GLIS1: variants seen among roughly 807,000 people sequenced by gnomAD.
The protein encoded by GLIS1 is GLIS family zinc finger 1, also known as zinc finger protein GLIS1.
A neutral mutation model predicts 63.8 loss-of-function variants in GLIS1; 24 were observed. That is an observed-to-expected ratio of 0.38 (90% confidence interval 0.27 to 0.53). The LOEUF (loss-of-function observed/expected upper bound fraction) is 0.53, where lower values mean the gene tolerates loss of function less well. GLIS1 is among the 20% of genes least tolerant of loss of function. The pLI is 0.85. For synonymous variants in GLIS1, 450 were observed against 482.5 expected (o/e 0.93, Z 0.88); for missense variants, 1,036 against 1,074.1 (o/e 0.96, Z 0.50).
At chr1:53,510,169 G>A (rs1418229063) in intron 8 of GLIS1, 142 bp from the exon 9 acceptor site, 6 of 424,828 alleles carry the variant, frequency 1.4e-5, no homozygotes, top group Non-Finnish European at 2.0e-5. Context: ...AGTTAGAAGA[G>A]GAGCTTTTAT....
rs932917732 is a variant in GLIS1 at position 53,560,058 on chromosome 1, G to A, written c.1321-30106C>T. On this transcript the variant is annotated intron_variant, in intron 4 of 10. Transcript: ENST00000628545. This position sits in a 1 kb window ranked among gnomAD's most constrained non-coding sequence, Gnocchi z 4.4. ...CCCTGACTTCCCAGGCAGGATTAGA[G>A]GCCCGTAGACTCCCACAGCTGCATG... 2.0e-5 allele frequency among the ~76,000 whole-genome samples: 3 copies of A among 152,114 alleles called. No individual in the cohort carries two copies. Among genetic ancestry groups the A allele is most frequent in the Admixed American group, 1.3e-4 (2 of 15,280 alleles).
At chr1:53,538,330 G>C (rs80003995) in intron 4 of GLIS1, among the ~76,000 whole-genome samples, 2 of 152,286 alleles carry the variant, frequency 1.3e-5, no homozygotes, top group South Asian at 4.1e-4. Flanking sequence ...GGGCATGTGC[G>C]GGGACTGAGC....
chr1:53,538,571 T>A (rs1644605872), intron 4 of GLIS1, among the ~76,000 whole-genome samples: 1 of 152,136 alleles, frequency 6.6e-6, no homozygotes, highest in South Asian at 2.1e-4. Context: ...AGCACTGCCA[T>A]GAGAGGCAAG....
At chr1:53,737,676 C>G in intron 2 of GLIS1, 130 bp downstream of exon 2, 1 of 945,526 alleles carries the variant, frequency 1.1e-6, no homozygotes, top group African/African-American at 1.7e-5. Context: ...AAGCTAGTCC[C>G]AAACAATAAG....
At chr1:53,581,843 C>T (rs909966402) in intron 4 of GLIS1, among the ~76,000 whole-genome samples, 2 of 152,192 alleles carry the variant, frequency 1.3e-5, no homozygotes, top group Non-Finnish European at 2.9e-5. Flanking sequence ...CCCACACCTG[C>T]CCTTTCCATG....
intron 4 of GLIS1, among the ~76,000 whole-genome samples, chr1:53,538,187 C>A (rs535121354): frequency 6.6e-6 from 1 of 152,162 alleles, no homozygotes; most frequent in African/African-American, 2.4e-5. Context: ...AAGAATGGAA[C>A]GGACAGACGG....
intron 2 of GLIS1, among the ~76,000 whole-genome samples, chr1:53,627,073 G>A (rs927922560): frequency 2.6e-5 from 4 of 152,180 alleles, no homozygotes; most frequent in African/African-American, 7.2e-5. Context: ...CCCTCGTTCC[G>A]GGTCCCACAA....
intron 7 of GLIS1, among the ~76,000 whole-genome samples, chr1:53,515,606 G>C (rs1397645806): frequency 6.6e-6 from 1 of 151,974 alleles, no homozygotes; most frequent in Non-Finnish European, 1.5e-5. Context: ...TGTTAAGACA[G>C]GGAGGCTAAT....
intron 2 of GLIS1, among the ~76,000 whole-genome samples, chr1:53,687,947 CG>C (rs1020728430): frequency 2.0e-5 from 3 of 152,198 alleles, no homozygotes; most frequent in African/African-American, 7.2e-5. Flanking sequence ...TAGACGCAAG[CG>C]GGCCCGGCTG....
chr1:53,636,518 G>A (rs1645723265), intron 2 of GLIS1, among the ~76,000 whole-genome samples: 1 of 152,206 alleles, frequency 6.6e-6, no homozygotes, highest in African/African-American at 2.4e-5. Flanking sequence ...GTAGTAAAAT[G>A]CTGAATAGAT....
At chr1:53,530,472 G>T (rs2100333979) in intron 4 of GLIS1, among the ~76,000 whole-genome samples, 1 of 152,292 alleles carries the variant, frequency 6.6e-6, no homozygotes, top group African/African-American at 2.4e-5. Context: ...GGCCCCAGGG[G>T]GTAGGACATT....
At chr1:53,514,574 C>A in intron 8 of GLIS1, 51 bp downstream of exon 8, 2 of 1,585,042 alleles carry the variant, frequency 1.3e-6, no homozygotes, top group South Asian at 1.1e-5. Context: ...CTGCCTCCCC[C>A]CGAGATCCCC....
chr1:53,629,197 G>A (rs1645626661), intron 2 of GLIS1, among the ~76,000 whole-genome samples: 1 of 152,052 alleles, frequency 6.6e-6, no homozygotes, highest in African/African-American at 2.4e-5. Context: ...CCTACTCTGT[G>A]CTTTATGATG....
chr1:53,686,178 C>T lies in GLIS1; in HGVS notation c.259+51628G>A, dbSNP rs796408440. On this transcript the variant is annotated intron_variant, in intron 2 of 10. Coordinates refer to ENST00000628545, the MANE Select transcript of GLIS1 (RefSeq NM_001367484.1). ...CATGCTCCACTGTTTCCCCACGGAGCGGAGCTATGACTGCCCTGAAGCTGG... is the reference window on the plus strand; with the variant it reads ...CATGCTCCACTGTTTCCCCACGGAGTGGAGCTATGACTGCCCTGAAGCTGG... Among the ~76,000 whole-genome samples, 4 of 152,140 alleles carry T rather than the reference C, an allele frequency of 2.6e-5. No individual in the cohort carries two copies. In the South Asian group the frequency reaches 6.2e-4, roughly 24 times the overall value.
intron 2 of GLIS1, among the ~76,000 whole-genome samples, chr1:53,678,259 C>T (rs554531913): frequency 6.7e-6 from 1 of 150,316 alleles, no homozygotes; most frequent in South Asian, 2.1e-4. Context: ...AGAGGGCCCC[C>T]TTGCACGAAG....
chr1:53,676,705 C>T (rs1299925524), intron 2 of GLIS1, among the ~76,000 whole-genome samples: 1 of 152,180 alleles, frequency 6.6e-6, no homozygotes, highest in Non-Finnish European at 1.5e-5. Flanking sequence ...CGGGCTGAGC[C>T]TTCCAGCTTT....
chr1:53,705,164 C>T, intron 2 of GLIS1, among the ~76,000 whole-genome samples: 1 of 152,158 alleles, frequency 6.6e-6, no homozygotes, highest in East Asian at 1.9e-4. Context: ...TTCAGAACTT[C>T]CACAGCTACT....
intron 2 of GLIS1, among the ~76,000 whole-genome samples, chr1:53,683,319 C>A (rs1040384003): frequency 7.0e-6 from 1 of 142,598 alleles, no homozygotes; most frequent in Non-Finnish European, 1.5e-5. Flanking sequence ...GTGATTATAA[C>A]CGCAGGCAGG....
intron 2 of GLIS1, among the ~76,000 whole-genome samples, chr1:53,662,284 T>C (rs559825641): frequency 1.5e-4 from 23 of 152,252 alleles, no homozygotes; most frequent in African/African-American, 5.1e-4. Flanking sequence ...TGCAGCATTA[T>C]CATCATCATT....
Sources: allele counts gnomAD v4.1 joint callset (sites outside exome capture counted in the v4.1 genomes callset), GRCh38; gene constraint gnomAD v4.1.1; non-coding constraint Gnocchi (gnomAD v3.1); transcripts MANE v1.5; gene names NCBI Gene and HGNC (gene_info 2026-07-23, HGNC 2026-07-21).